Variants in ABTB2 observed in about 807,000 individuals in gnomAD.
ABTB2 encodes ankyrin repeat and BTB/POZ domain-containing protein 2.
A neutral mutation model predicts 104.1 loss-of-function variants in ABTB2; 56 were observed. That is an observed-to-expected ratio of 0.54 (90% CI 0.43 to 0.67). The LOEUF (loss-of-function observed/expected upper bound fraction) is 0.67. Ranked by LOEUF, ABTB2 falls within the 30% of genes least tolerant of loss-of-function variation. The pLI is 0.00. For synonymous variants in ABTB2, 606 were observed against 608.2 expected (o/e 1.00, Z 0.05); for missense variants, 1,279 against 1,407.7 (o/e 0.91, Z 1.46).
In ABTB2 at chr11:34,154,221, G is replaced by A; in HGVS notation, c.2880+44C>T. 6.7e-7 allele frequency: 1 copy of A among 1,485,880 alleles called. No individual in the cohort carries two copies. Among genetic ancestry groups the A allele is most frequent in the Non-Finnish European group, 9.4e-7 (1 of 1,066,058 alleles). 92.0% of individuals were successfully genotyped at this position (1,485,880 alleles called of 1,614,324 possible). On this transcript the variant is annotated intron_variant, in intron 16 of 16. Coordinates refer to ENST00000435224, the MANE Select transcript of ABTB2 (RefSeq NM_145804.3). The surrounding 1 kb of genome is among the most constrained non-coding windows in gnomAD (Gnocchi z 4.9). ...ACACGGCCGAGGCCCCCGTGGAGCA[G>A]AGCATGTGGTGGGAGGTGGCCAGCA...
chr11:34,174,688 C>T (rs1394841517), intron 3 of ABTB2, among the ~76,000 whole-genome samples: 1 of 152,254 alleles, frequency 6.6e-6, no homozygotes, highest in Non-Finnish European at 1.5e-5. Context: ...TCCAACAGAC[C>T]TCCCCGCCAC....
At chr11:34,200,511 AGAACTCT>A (rs1225277594) in intron 2 of ABTB2, among the ~76,000 whole-genome samples, 1 of 152,248 alleles carries the variant, frequency 6.6e-6, no homozygotes, top group Non-Finnish European at 1.5e-5. Flanking sequence ...ATGGCTGCAG[AGAACTCT>A]GACTGTGACG....
intron 1 of ABTB2, among the ~76,000 whole-genome samples, chr11:34,348,357 A>G (rs1401166311): frequency 6.6e-6 from 1 of 152,190 alleles, no homozygotes; most frequent in Non-Finnish European, 1.5e-5. Context: ...CATCTGGATA[A>G]AAGATGTGGG....
chr11:34,316,192 C>T (rs1854927796), intron 1 of ABTB2, among the ~76,000 whole-genome samples: 1 of 152,206 alleles, frequency 6.6e-6, no homozygotes, highest in South Asian at 2.1e-4. Flanking sequence ...ACAGCCCTCA[C>T]TGACAGCACC....
Position 34,356,556 on chromosome 11 carries a change from TA to T in ABTB2, c.883+144del. 1 of 1,138,332 alleles carries T rather than the reference TA, an allele frequency of 8.8e-7. No homozygotes were observed. Among genetic ancestry groups the T allele is most frequent in the Non-Finnish European group, 1.2e-6 (1 of 819,862 alleles). The allele number at this position is 1,138,332 out of a possible 1,614,324, so 70.5% of individuals were successfully genotyped here. Reference sequence around the variant, plus strand: ...AGAACAATCTCTGGCAAGTGCCATGTAATGAACCCTATCCTCAGACCAAACG... The same window carrying T: ...AGAACAATCTCTGGCAAGTGCCATGTATGAACCCTATCCTCAGACCAAACG... On this transcript the variant is annotated intron_variant, in intron 1 of 16. Coordinates refer to ENST00000435224, the MANE Select transcript of ABTB2 (RefSeq NM_145804.3). This position sits in a 1 kb window ranked among gnomAD's most constrained non-coding sequence, Gnocchi z 4.6.
chr11:34,352,376 C>T (rs533098723), intron 1 of ABTB2, among the ~76,000 whole-genome samples: 93 of 152,252 alleles, frequency 6.1e-4, no homozygotes, highest in Non-Finnish European at 1.1e-3. Flanking sequence ...AAATTAGCCC[C>T]GTCACACCAT....
At chr11:34,162,894 C>G in intron 9 of ABTB2, 89 bp from the exon 10 acceptor site, 1 of 1,301,762 alleles carries the variant, frequency 7.7e-7, no homozygotes, top group Non-Finnish European at 1.1e-6. Context: ...CCTGCCCCGA[C>G]GGGCTGCTCT....
intron 1 of ABTB2, among the ~76,000 whole-genome samples, chr11:34,311,669 A>G (rs966615288): frequency 2.0e-5 from 3 of 152,234 alleles, no homozygotes; most frequent in African/African-American, 7.2e-5. Flanking sequence ...GTGTCCATTT[A>G]TACTGGGAGG....
chr11:34,155,303 C>A (rs1185861309), intron 14 of ABTB2, among the ~76,000 whole-genome samples: 1 of 152,268 alleles, frequency 6.6e-6, no homozygotes, highest in African/African-American at 2.4e-5. Context: ...AGTGCCCCAT[C>A]TGGGCTCTGT....
chr11:34,311,241 G>A (rs1425418574), intron 1 of ABTB2, among the ~76,000 whole-genome samples: 1 of 152,244 alleles, frequency 6.6e-6, no homozygotes, highest in African/African-American at 2.4e-5. Flanking sequence ...TGCCACCTGT[G>A]AGGTGAAGCT....
chr11:34,163,159 C>T (rs1312116152), intron 9 of ABTB2, among the ~76,000 whole-genome samples: 1 of 152,192 alleles, frequency 6.6e-6, no homozygotes, highest in Non-Finnish European at 1.5e-5. Context: ...CAGGGTGTCA[C>T]TATATCACAC....
At chr11:34,229,776 C>T (rs1853745090) in intron 1 of ABTB2, among the ~76,000 whole-genome samples, 1 of 152,146 alleles carries the variant, frequency 6.6e-6, no homozygotes, top group Non-Finnish European at 1.5e-5. Context: ...CCCATAATCC[C>T]ATCACTTAGA....
At chr11:34,346,490 A>C (rs1855333671) in intron 1 of ABTB2, among the ~76,000 whole-genome samples, 1 of 152,222 alleles carries the variant, frequency 6.6e-6, no homozygotes, top group African/African-American at 2.4e-5. Flanking sequence ...CCCTGAGTAC[A>C]GTAATCACAA....
intron 1 of ABTB2, among the ~76,000 whole-genome samples, chr11:34,287,257 A>T (rs1854516497): frequency 6.6e-6 from 1 of 151,844 alleles, no homozygotes; most frequent in Non-Finnish European, 1.5e-5. Context: ...ATGATAATTT[A>T]AAAAATATAC....
chr11:34,332,511 T>A (rs528891781), intron 1 of ABTB2, among the ~76,000 whole-genome samples: 1 of 152,314 alleles, frequency 6.6e-6, no homozygotes, highest in Non-Finnish European at 1.5e-5. Flanking sequence ...AATTGGATAA[T>A]TTTAGCCAAT....
chr11:34,306,745 C>T (rs183636507), intron 1 of ABTB2, among the ~76,000 whole-genome samples: 49 of 151,598 alleles, frequency 3.2e-4, no homozygotes, highest in African/African-American at 1.0e-3. Flanking sequence ...TAAGTAAAAC[C>T]GAGAAAAGAA....
rs150674188 is a variant in ABTB2 at position 34,271,057 on chromosome 11, C to T, written c.884-66367G>A. On this transcript the variant is annotated intron_variant, in intron 1 of 16. Transcript: ENST00000435224. ...TGGAGATGAGACAGGGAGTAACAAGCAGCCACATGACCCTGGATAAAGCTG... is the reference window on the plus strand; with the variant it reads ...TGGAGATGAGACAGGGAGTAACAAGTAGCCACATGACCCTGGATAAAGCTG... Among the ~76,000 whole-genome samples, 306 of 152,266 alleles carry T rather than the reference C, an allele frequency of 2.0e-3. 2 individuals carry two copies. The highest frequency in any genetic ancestry group is 4.4e-3 in the African/African-American group (184 of 41,546).
At chr11:34,283,226 CT>C (rs931742767) in intron 1 of ABTB2, among the ~76,000 whole-genome samples, 1 of 143,140 alleles carries the variant, frequency 7.0e-6, no homozygotes, top group African/African-American at 2.6e-5. Context: ...CCATCTTTTT[CT>C]TTTTTTGAGA....
intron 1 of ABTB2, chr11:34,335,408 C>T (rs1855182025): frequency 1.2e-6 from 1 of 803,976 alleles, no homozygotes; most frequent in East Asian, 2.4e-5. Context: ...TTTCTAAGAG[C>T]ACTTCTCTTT....
Sources: gnomAD v4.1 joint callset for allele counts (sites outside exome capture counted in the v4.1 genomes callset) on GRCh38, gnomAD v4.1.1 for gene constraint, Gnocchi (gnomAD v3.1) non-coding constraint, MANE v1.5 for transcripts, NCBI Gene and HGNC (gene_info 2026-07-23, HGNC 2026-07-21) for gene names.